PTPRD: variants seen among roughly 807,000 people sequenced by gnomAD.
The protein encoded by PTPRD is receptor-type tyrosine-protein phosphatase delta.
A neutral mutation model predicts 214.5 loss-of-function variants in PTPRD; 34 were observed. The observed-to-expected ratio is 0.16, with a 90% confidence interval of 0.12 to 0.21. The LOEUF is 0.21. Among genes scored for constraint, PTPRD ranks in the 10% least tolerant of loss-of-function variants. The probability of loss-of-function intolerance (pLI) is 1.00; values close to 1 mark genes in which losing one functional copy is unlikely to be tolerated. For missense variants in PTPRD, 2,545 were observed against 2,398.7 expected (o/e 1.06, Z -1.27); for synonymous variants, 1,128 against 845.7 (o/e 1.33, Z -5.79).
chr9:8,838,509 G>A (rs2097487291), intron 11 of PTPRD, among the ~76,000 whole-genome samples: 2 of 151,746 alleles, frequency 1.3e-5, no homozygotes. Flanking sequence ...ACTTATTGGA[G>A]GTATTTCACT....
chr9:10,371,815 G>C (rs75424506), intron 2 of PTPRD, among the ~76,000 whole-genome samples: 10 of 152,108 alleles, frequency 6.6e-5, no homozygotes, highest in Non-Finnish European at 1.5e-4. Flanking sequence ...TATTTTGGGA[G>C]CATATGGTGT....
At chr9:8,808,067 T>A (rs2096723402) in intron 11 of PTPRD, among the ~76,000 whole-genome samples, 1 of 152,192 alleles carries the variant, frequency 6.6e-6, no homozygotes, top group South Asian at 2.1e-4. Flanking sequence ...AGTCCCCAAT[T>A]GATTTCCCCC....
chr9:8,733,374 T>C (rs78118345), intron 12 of PTPRD, among the ~76,000 whole-genome samples: 6,021 of 152,200 alleles, frequency 0.04, 394 homozygotes, highest in African/African-American at 0.13. Flanking sequence ...CATTGTGACA[T>C]TGTGCATTTT....
intron 8 of PTPRD, among the ~76,000 whole-genome samples, chr9:9,520,575 A>G (rs1186472533): frequency 2.6e-5 from 4 of 152,088 alleles, no homozygotes; most frequent in Non-Finnish European, 5.9e-5. Flanking sequence ...TGCTTGCTTC[A>G]CAATAACTTT....
chr9:8,690,011 G>A (rs7041517), intron 12 of PTPRD, among the ~76,000 whole-genome samples: 44,070 of 151,214 alleles, frequency 0.29, 7,236 homozygotes, highest in African/African-American at 0.43. Context: ...AGGATGCTGA[G>A]GCAGGAGAAT....
At chr9:9,391,423 G>A (rs1027160054) in intron 9 of PTPRD, among the ~76,000 whole-genome samples, 1 of 152,150 alleles carries the variant, frequency 6.6e-6, no homozygotes, top group Non-Finnish European at 1.5e-5. Flanking sequence ...CACTAGGTAA[G>A]ACTATTTCTA....
chr9:9,783,463 G>C (rs2098880544), intron 5 of PTPRD, among the ~76,000 whole-genome samples: 1 of 152,090 alleles, frequency 6.6e-6, no homozygotes, highest in Admixed American at 6.5e-5. Context: ...TGTTCTTCCT[G>C]ATGAACTTAC....
rs1458376516 is a variant in PTPRD at position 8,805,987 on chromosome 9, T to C, written c.-103-72041A>G. On this transcript the variant is annotated intron_variant, in intron 11 of 45. Transcript: ENST00000381196. Reference sequence around the variant, plus strand: ...TCCAGCCTGGGCTACAGAACGAGACTCCGTCTCAGAAAAAAAAAAAAAAAA... The same window carrying C: ...TCCAGCCTGGGCTACAGAACGAGACCCCGTCTCAGAAAAAAAAAAAAAAAA... 1.7e-5 allele frequency among the ~76,000 whole-genome samples: 2 copies of C among 119,514 alleles called. 1 individual carries two copies. The highest frequency in any genetic ancestry group is 1.9e-4 in the Admixed American group (2 of 10,526). The allele number at this position is 119,514 out of a possible 152,430, so 78.4% of individuals were successfully genotyped here. A position where few individuals can be genotyped will look rare whatever the true frequency, so the allele number is the denominator to read the frequency against.
intron 7 of PTPRD, among the ~76,000 whole-genome samples, chr9:9,620,988 T>C (rs1270802972): frequency 1.3e-5 from 2 of 152,108 alleles, no homozygotes; most frequent in South Asian, 2.1e-4. Context: ...ATCATACCAA[T>C]AGTGTTTGAT....
At chr9:9,480,229 G>C (rs969822471) in intron 8 of PTPRD, among the ~76,000 whole-genome samples, 12 of 152,162 alleles carry the variant, frequency 7.9e-5, no homozygotes, top group Admixed American at 7.9e-4. Flanking sequence ...ATGGTGATTG[G>C]TGGTATTCAC....
chr9:10,520,339 C>T (rs2134161199), intron 2 of PTPRD, among the ~76,000 whole-genome samples: 1 of 152,250 alleles, frequency 6.6e-6, no homozygotes, highest in South Asian at 2.1e-4. Flanking sequence ...AGAGCACAAA[C>T]CTAACTCTCT....
intron 10 of PTPRD, among the ~76,000 whole-genome samples, chr9:9,046,994 G>A (rs1233916702): frequency 3.9e-5 from 6 of 152,018 alleles, no homozygotes; most frequent in African/African-American, 7.2e-5. Context: ...GCTTGCAGAT[G>A]GTATGATCTT....
At chr9:9,932,465 G>C (rs900785967) in intron 5 of PTPRD, among the ~76,000 whole-genome samples, 1 of 145,594 alleles carries the variant, frequency 6.9e-6, no homozygotes, top group Non-Finnish European at 1.5e-5. Context: ...TCAACTGGAA[G>C]AAAGGGTATC....
At chr9:9,506,526 A>C (rs966251161) in intron 8 of PTPRD, among the ~76,000 whole-genome samples, 10 of 151,400 alleles carry the variant, frequency 6.6e-5, no homozygotes, top group African/African-American at 2.4e-4. Flanking sequence ...ATGTGAAAGA[A>C]ATGGGAAAGT....
At chr9:9,329,053 C>T (rs955046050) in intron 9 of PTPRD, among the ~76,000 whole-genome samples, 4 of 151,926 alleles carry the variant, frequency 2.6e-5, no homozygotes, top group Non-Finnish European at 5.9e-5. Context: ...TTGAGAACAT[C>T]TGTCAGAAAA....
chr9:9,072,331 A>G (rs926632206), intron 10 of PTPRD, among the ~76,000 whole-genome samples: 1 of 148,128 alleles, frequency 6.8e-6, no homozygotes, highest in Non-Finnish European at 1.5e-5. Flanking sequence ...ACTCCTTAAT[A>G]TTCCCATTTT....
intron 3 of PTPRD, among the ~76,000 whole-genome samples, chr9:10,171,714 G>C (rs2099208039): frequency 6.6e-6 from 1 of 151,992 alleles, no homozygotes. Flanking sequence ...TAGTAGAGAC[G>C]GGGTTTCACT....
intron 5 of PTPRD, among the ~76,000 whole-genome samples, chr9:9,774,479 C>G (rs1565161547): frequency 6.6e-6 from 1 of 152,160 alleles, no homozygotes; most frequent in East Asian, 1.9e-4. Context: ...AACCTATGTT[C>G]TTTAAGAAAT....
At chr9:10,211,782 C>G (rs1389223466) in intron 3 of PTPRD, among the ~76,000 whole-genome samples, 1 of 151,990 alleles carries the variant, frequency 6.6e-6, no homozygotes, top group Admixed American at 6.6e-5. Context: ...GAATAATAGG[C>G]ATTGGGAAAT....
Sources: gnomAD v4.1 joint callset for allele counts (sites outside exome capture counted in the v4.1 genomes callset) on GRCh38, gnomAD v4.1.1 for gene constraint, MANE v1.5 for transcripts, NCBI Gene and HGNC (gene_info 2026-07-23, HGNC 2026-07-21) for gene names.